NUMA1: variants seen among roughly 807,000 people sequenced by gnomAD.
NUMA1 encodes nuclear mitotic apparatus protein 1.
A neutral mutation model predicts 237.1 loss-of-function variants in NUMA1; 62 were observed. The observed-to-expected ratio is 0.26, with a 90% CI of 0.21 to 0.32. The LOEUF (loss-of-function observed/expected upper bound fraction) is 0.32, where lower values mean the gene tolerates loss of function less well. Among genes scored for constraint, NUMA1 ranks in the 10% least tolerant of loss-of-function variants. NUMA1 has a pLI of 1.00. For missense variants in NUMA1, 2,533 were observed against 2,666.5 expected (o/e 0.95, Z 1.10); for synonymous variants, 1,028 against 1,066.1 (o/e 0.96, Z 0.70).
intron 3 of NUMA1, among the ~76,000 whole-genome samples, chr11:72,031,817 A>AAAAT (rs933392962): frequency 1.3e-4 from 20 of 151,656 alleles, no homozygotes; most frequent in East Asian, 3.9e-4. Context: ...CTGTCTCAAA[A>AAAAT]AAATAAATAA....
chr11:72,012,314 T>C, intron 16 of NUMA1, 87 bp downstream of exon 16: 1 of 1,266,978 alleles, frequency 7.9e-7, no homozygotes, highest in Non-Finnish European at 1.1e-6. Context: ...CAACAGGAGC[T>C]GGCGGAGGCA....
intron 4 of NUMA1, among the ~76,000 whole-genome samples, chr11:72,026,930 G>C (rs577593015): frequency 6.6e-6 from 1 of 152,122 alleles, no homozygotes; most frequent in Non-Finnish European, 1.5e-5. Flanking sequence ...TTTCAATATC[G>C]CCTACCTCCA....
intron 3 of NUMA1, among the ~76,000 whole-genome samples, chr11:72,035,203 C>A (rs557918831): frequency 6.6e-6 from 1 of 151,922 alleles, no homozygotes; most frequent in South Asian, 2.1e-4. Flanking sequence ...TTTCATTTGC[C>A]ACTGTCTCTG....
intron 1 of NUMA1, among the ~76,000 whole-genome samples, chr11:72,072,875 T>A (rs1943518895): frequency 6.6e-6 from 1 of 151,432 alleles, no homozygotes; most frequent in South Asian, 2.1e-4. Context: ...ACCCCGTCTC[T>A]ACTAAAGATA....
intron 3 of NUMA1, among the ~76,000 whole-genome samples, chr11:72,034,605 G>A (rs1940783752): frequency 6.6e-6 from 1 of 152,016 alleles, no homozygotes; most frequent in Admixed American, 6.6e-5. Flanking sequence ...CTACTCGGGA[G>A]GCTGAAGCAG....
chr11:72,030,462 C>G (rs1940157741), intron 3 of NUMA1, among the ~76,000 whole-genome samples: 1 of 152,096 alleles, frequency 6.6e-6, no homozygotes, highest in Admixed American at 6.6e-5. Flanking sequence ...CATTCTTTGG[C>G]TTCAGATAGG....
chr11:72,052,770 C>CAA (rs375208516), intron 2 of NUMA1, among the ~76,000 whole-genome samples: 1 of 140,706 alleles, frequency 7.1e-6, no homozygotes, highest in African/African-American at 2.6e-5. Context: ...GACTCCATCT[C>CAA]AAAAAAAAAA....
intron 2 of NUMA1, among the ~76,000 whole-genome samples, chr11:72,052,228 C>A (rs10736786): frequency 6.6e-6 from 1 of 152,224 alleles, no homozygotes; most frequent in South Asian, 2.1e-4. Context: ...GATTTCAGAA[C>A]GAGAAAATAA....
Position 72,015,869 on chromosome 11 carries a change from G to A in NUMA1, c.1634C>T (p.Ala545Val). 6.2e-7 allele frequency: 1 copy of A among 1,614,140 alleles called. No homozygotes were observed. The highest frequency in any genetic ancestry group is 8.5e-7 in the Non-Finnish European group (1 of 1,180,040). ...LAQTLQQQEQ[A>V]SQGLRHQVEQ... ...CACCTGGTGGCGGAGGCCCTGGGAG[G>A]CCTGTTCTTGCTGTTGGAGGGTCTG... Residue 545 changes from alanine (A) to valine (V), a missense_variant, in exon 15 of 27, where the codon GCC (alanine) becomes GTC (valine). By Grantham distance (64) the Ala-to-Val change is moderately conservative. Coordinates refer to ENST00000393695, the MANE Select transcript of NUMA1 (RefSeq NM_006185.4). The surrounding 1 kb of genome is among the most constrained non-coding windows in gnomAD (Gnocchi z 4.0).
At chr11:72,044,968 A>C (rs946943021) in intron 2 of NUMA1, among the ~76,000 whole-genome samples, 2 of 152,016 alleles carry the variant, frequency 1.3e-5, no homozygotes, top group African/African-American at 4.8e-5. Flanking sequence ...CTGGCCTTGC[A>C]TTTATTTTTA....
At chr11:72,021,059 T>C (rs1938737751) in intron 8 of NUMA1, 145 bp downstream of exon 8, 2 of 664,374 alleles carry the variant, frequency 3.0e-6, no homozygotes, top group Admixed American at 4.7e-5. Context: ...GAAATCGACC[T>C]ACTCCATTAC....
chr11:72,043,132 G>A (rs78268094), intron 2 of NUMA1, among the ~76,000 whole-genome samples: 3,460 of 152,102 alleles, frequency 0.023, 132 homozygotes, highest in African/African-American at 0.079. Context: ...GGGGAGGAAA[G>A]TATGAGGGAT....
rs376591300 is a variant in NUMA1, at chr11:72,015,461, C to T, written c.2042G>A (p.Arg681Gln). The change falls in exon 15 of 27, where the codon CGG becomes CAG. Residue 681 changes from arginine to glutamine, a missense_variant. By Grantham distance (43) the Arg-to-Gln change is conservative (BLOSUM62 1). Around this residue, in one of 3 missense-constraint regions of NUMA1, gnomAD observed 1,414 missense variants for 1,508.1 expected, o/e 0.94. Transcript: ENST00000393695. This position sits in a 1 kb window ranked among gnomAD's most constrained non-coding sequence, Gnocchi z 4.0. ...AQVAELELQL[R>Q]SEQQKATEKE... ...CTCAGTTGCTTTTTGCTGCTCAGAC[C>T]GCAGCTGCAACTCTAGCTCTGCAAC... 5 of 1,612,270 alleles carry T rather than the reference C, an allele frequency of 3.1e-6. No individual in the cohort carries two copies. The highest frequency in any genetic ancestry group is 2.2e-5 in the East Asian group (1 of 44,868).
chr11:72,045,935 G>A (rs556900204), intron 2 of NUMA1, among the ~76,000 whole-genome samples: 8 of 152,328 alleles, frequency 5.3e-5, no homozygotes, highest in South Asian at 4.1e-4. Context: ...TCTCAAAAGC[G>A]TACAAGAGGT....
At chr11:72,006,472 G>A (rs77660970) in intron 21 of NUMA1, among the ~76,000 whole-genome samples, 5,401 of 152,266 alleles carry the variant, frequency 0.035, 92 homozygotes, top group East Asian at 0.078. Context: ...ACTCTTCTAC[G>A]CATTTTTTTC....
At chr11:72,031,743 G>A (rs1283510064) in intron 3 of NUMA1, among the ~76,000 whole-genome samples, 8 of 152,094 alleles carry the variant, frequency 5.3e-5, no homozygotes, top group African/African-American at 7.2e-5. Context: ...GAGCCTGGGA[G>A]GTCAAGGCTA....
intron 2 of NUMA1, among the ~76,000 whole-genome samples, chr11:72,045,002 T>C (rs1941915025): frequency 6.6e-6 from 1 of 152,086 alleles, no homozygotes; most frequent in Non-Finnish European, 1.5e-5. Context: ...ACACTGGTGA[T>C]AAGAAAAATG....
intron 2 of NUMA1, among the ~76,000 whole-genome samples, chr11:72,052,085 G>C (rs1942391786): frequency 6.6e-6 from 1 of 152,176 alleles, no homozygotes; most frequent in African/African-American, 2.4e-5. Flanking sequence ...GCACTGCCAG[G>C]GCAGGGGCAG....
intron 22 of NUMA1, 109 bp downstream of exon 22, chr11:72,005,923 GGTA>G: frequency 1.1e-6 from 1 of 873,942 alleles, no homozygotes; most frequent in African/African-American, 1.7e-5. Flanking sequence ...GGAGCTGGAT[GGTA>G]GCAAGGAGGC....
Sources: gnomAD v4.1 joint callset for allele counts (sites outside exome capture counted in the v4.1 genomes callset) on GRCh38, gnomAD v4.1.1 for gene constraint, gnomAD v4.1.1 regional missense constraint, Gnocchi (gnomAD v3.1) non-coding constraint, MANE v1.5 for transcripts, NCBI Gene and HGNC (gene_info 2026-07-23, HGNC 2026-07-21) for gene names.